ARRDC2: variants seen among roughly 807,000 people sequenced by gnomAD.
ARRDC2 encodes arrestin domain containing 2.
A neutral mutation model predicts 38.9 loss-of-function variants in ARRDC2; 39 were observed. The observed-to-expected ratio is 1.00, with a 90% CI of 0.78 to 1.31. The LOEUF (loss-of-function observed/expected upper bound fraction) is 1.31. Ranked by LOEUF, ARRDC2 falls within the 50% of genes most tolerant of loss-of-function variation. The probability of loss-of-function intolerance (pLI) is 0.00; values close to 1 mark genes in which losing one functional copy is unlikely to be tolerated. For missense variants in ARRDC2, 553 were observed against 588.4 expected (o/e 0.94, Z 0.62); for synonymous variants, 300 against 261.9 (o/e 1.15, Z -1.41).
chr19:18,008,433 C>CGCGCGTGTGGGTGCCCTGAGGCT lies in ARRDC2; in HGVS notation c.129_151dup (p.Ala51ValfsTer5). ...GGGTGCTGCTGGAGCTGTCAAGCGC[C>CGCGCGTGTGGGTGCCCTGAGGCT]GCGCGTGTGGGTGCCCTGAGGCTGC... is the stretch of plus-strand genomic sequence containing the variant. On this transcript the variant is annotated frameshift_variant, in exon 1 of 8. Coordinates refer to ENST00000222250, the MANE Select transcript of ARRDC2 (RefSeq NM_015683.2). LOFTEE classifies it high-confidence loss of function. 1 of 1,586,978 alleles carries CGCGCGTGTGGGTGCCCTGAGGCT rather than the reference C, an allele frequency of 6.3e-7. No homozygotes were observed. Among genetic ancestry groups the CGCGCGTGTGGGTGCCCTGAGGCT allele is most frequent in the Non-Finnish European group, 8.5e-7 (1 of 1,174,362 alleles).
intron 3 of ARRDC2, 21 bp from the exon 4 acceptor site, chr19:18,009,571 C>G (rs1463538937): frequency 6.4e-7 from 1 of 1,573,046 alleles, no homozygotes; most frequent in African/African-American, 1.4e-5. Context: ...TCATCCATGT[C>G]ACTTTCCTCT....
chr19:18,013,235 A>C lies in ARRDC2; in HGVS notation c.*269A>C. Reference sequence around the variant, plus strand: ...TGTTTAATAACCTGTCTTCCCAGCCAATTGGTGGTGCTGGAATCCCCTAGG... The same window carrying C: ...TGTTTAATAACCTGTCTTCCCAGCCCATTGGTGGTGCTGGAATCCCCTAGG... On this transcript the variant is annotated 3_prime_UTR_variant, in exon 8 of 8. Transcript: ENST00000222250. 1 of 443,684 alleles carries C rather than the reference A, an allele frequency of 2.3e-6. No homozygotes were observed. The highest frequency in any genetic ancestry group is 3.1e-5 in the South Asian group (1 of 31,980). The allele number at this position is 443,684 out of a possible 1,614,324, so 27.5% of individuals were successfully genotyped here. A position where few individuals can be genotyped will look rare whatever the true frequency, so the allele number is the denominator to read the frequency against.
At chr19:18,005,615 G>C (rs533941416), upstream of ARRDC2, among the ~76,000 whole-genome samples, 40 of 149,828 alleles carry the variant, frequency 2.7e-4, no homozygotes, top group South Asian at 2.7e-3. Flanking sequence ...CTGGCCGGGT[G>C]GGGGGCTGAC....
At chr19:18,008,832 T>C in intron 2 of ARRDC2, 55 bp downstream of exon 2, 6 of 1,598,270 alleles carry the variant, frequency 3.8e-6, no homozygotes, top group Non-Finnish European at 5.1e-6. Context: ...TCCAGATTGG[T>C]ACCTCCAATA....
At chr19:18,007,805 C>A (rs781411460), upstream of ARRDC2, 44 of 201,720 alleles carry the variant, frequency 2.2e-4, no homozygotes, top group Non-Finnish European at 2.8e-4. Context: ...CCAAATCGGG[C>A]TGGACATGCC....
At chr19:18,008,133 C>CCCA, upstream of ARRDC2, 1 of 1,290,784 alleles carries the variant, frequency 7.7e-7, no homozygotes, top group Non-Finnish European at 1.0e-6. Flanking sequence ...CCCCCCCCGC[C>CCCA]CTGCCGTATA....
At chr19:18,010,982 T>A (rs1475670990) in intron 7 of ARRDC2, among the ~76,000 whole-genome samples, 1 of 151,540 alleles carries the variant, frequency 6.6e-6, no homozygotes, top group African/African-American at 2.4e-5. Flanking sequence ...ATCCTGCTAA[T>A]TTTTGTGTTT....
chr19:18,002,791 A>G (rs1169801788), intron 1 of ARRDC2, among the ~76,000 whole-genome samples: 1 of 152,122 alleles, frequency 6.6e-6, no homozygotes, highest in African/African-American at 2.4e-5. Flanking sequence ...CAGACACTCA[A>G]CGGCGACTTC....
rs561037901 is a variant in ARRDC2, at chr19:18,011,832, G to A, written c.1171-1081G>A. Among the ~76,000 whole-genome samples, 219 of 151,400 alleles carry A rather than the reference G, an allele frequency of 1.4e-3. 1 individual carries two copies. The highest frequency in any genetic ancestry group is 5.2e-3 in the African/African-American group (214 of 41,238). ...AATGATTGTGCTACTACATACTCCA[G>A]TCTGGGAGACAAAACAAGACCTCAT... On this transcript the variant is annotated intron_variant, in intron 7 of 7. Coordinates refer to ENST00000222250, the MANE Select transcript of ARRDC2 (RefSeq NM_015683.2).
Position 18,012,849 on chromosome 19 carries a change from G to T in ARRDC2, c.1171-64G>T. On this transcript the variant is annotated intron_variant, in intron 7 of 7. Coordinates refer to ENST00000222250, the MANE Select transcript of ARRDC2 (RefSeq NM_015683.2). Reference sequence around the variant, plus strand: ...GGGAGTTGGGAGATGGCTAGATGGGGAGCGGTATTTCTGAATTTCTGTTTC... The same window carrying T: ...GGGAGTTGGGAGATGGCTAGATGGGTAGCGGTATTTCTGAATTTCTGTTTC... 2.0e-6 allele frequency: 3 copies of T among 1,533,276 alleles called. No homozygotes were observed. In the African/African-American group the frequency reaches 4.1e-5, roughly 21 times the overall value. The allele number at this position is 1,533,276 out of a possible 1,614,324, so 95.0% of individuals were successfully genotyped here. A position where few individuals can be genotyped will look rare whatever the true frequency, so the allele number is the denominator to read the frequency against.
intron 1 of ARRDC2, 31 bp downstream of exon 1, chr19:18,008,615 A>G (rs1187321484): frequency 6.3e-7 from 1 of 1,597,660 alleles, no homozygotes; most frequent in Admixed American, 1.7e-5. Flanking sequence ...CTCCAACACC[A>G]GTTGTGTGCC....
intron 3 of ARRDC2, 84 bp from the exon 4 acceptor site, chr19:18,009,508 C>T (rs564633526): frequency 2.1e-5 from 27 of 1,272,738 alleles, no homozygotes; most frequent in Middle Eastern, 3.9e-4. Flanking sequence ...AGTCCTCCCT[C>T]AGCTGGGGGT....
upstream of ARRDC2, chr19:18,008,120 C>CCCCCCCCCCCCCCCCCCCCCCAAAAAA: frequency 5.2e-6 from 3 of 572,700 alleles, no homozygotes; most frequent in African/African-American, 2.8e-5. Context: ...ACGGTGACCC[C>CCCCCCCCCCCCCCCCCCCCCCAAAAAA]ACCCCCCCCC....
Position 18,008,340 on chromosome 19 carries a change from G to C in ARRDC2, c.30G>C (p.Ser10=), listed in dbSNP as rs1453880306. The C allele has an allele frequency of 6.3e-7, 1 of 1,597,208 alleles. No homozygotes were observed. The highest frequency in any genetic ancestry group is 8.5e-7 in the Non-Finnish European group (1 of 1,179,084). ...TATTCGACAAGGTGAAAGCGTTCTC[G>C]GTGCAGTTGGACGGCGCGACCGCGG... MLFDKVKAF[S]VQLDGATAGV... The change falls in exon 1 of 8, where the codon TCG becomes TCC. Residue 10 remains serine (S), a synonymous_variant. Coordinates refer to ENST00000222250, the MANE Select transcript of ARRDC2 (RefSeq NM_015683.2).
chr19:18,008,877 T>TC (rs2033341935), intron 2 of ARRDC2, 94 bp from the exon 3 acceptor site: 1 of 1,592,252 alleles, frequency 6.3e-7, no homozygotes, highest in African/African-American at 1.3e-5. Context: ...CCCAAGACTC[T>TC]CCCCCTGGGA....
In ARRDC2 at chr19:18,010,307, G is replaced by A. The variant is rs150793816; in HGVS notation, c.961G>A (p.Ala321Thr). Residue 321 changes from alanine to threonine, a missense_variant, in exon 6 of 8, where the codon GCC becomes ACC. Ala to Thr is a moderately conservative substitution (Grantham distance 58). Coordinates refer to ENST00000222250, the MANE Select transcript of ARRDC2 (RefSeq NM_015683.2). ...GSRSSSVGSHASFLLDWRLGA... is the reference protein window; with the variant it reads ...GSRSSSVGSHTSFLLDWRLGA... ...CCGTTCCTCCAGCGTGGGCAGCCAC[G>A]CCAGCTTCCTGCTGGACTGGAGGCT... 2.1e-5 allele frequency: 34 copies of A among 1,612,770 alleles called. No individual in the cohort carries two copies. The African/African-American group carries it at 3.9e-4, about 18-fold the overall frequency.
At chr19:18,002,109 CCA>C (rs1224825197) in intron 1 of ARRDC2, among the ~76,000 whole-genome samples, 1 of 152,064 alleles carries the variant, frequency 6.6e-6, no homozygotes, top group Non-Finnish European at 1.5e-5. Context: ...CTGGTGGACC[CCA>C]GTGTCCCCGT....
chr19:18,008,034 A>C, upstream of ARRDC2: 2 of 874,636 alleles, frequency 2.3e-6, no homozygotes, highest in Non-Finnish European at 1.6e-6. Context: ...GGCGTTTGTT[A>C]TTTTGCTCCA....
exon 1 of ARRDC2, chr19:18,001,417 G>A: frequency 8.1e-7 from 1 of 1,227,528 alleles, no homozygotes; most frequent in Admixed American, 4.3e-5. Context: ...GCTGCTGGAG[G>A]CGGCGGCGCC....
Sources: allele counts gnomAD v4.1 joint callset (sites outside exome capture counted in the v4.1 genomes callset), GRCh38; gene constraint gnomAD v4.1.1; transcripts MANE v1.5; gene names NCBI Gene and HGNC (gene_info 2026-07-23, HGNC 2026-07-21).